Variants in ZNF883 observed in about 807,000 individuals in gnomAD.
ZNF883 encodes the protein zinc finger protein 883.
chr9:113,011,962 G>A (rs981207483), intron 1 of ZNF883, among the ~76,000 whole-genome samples, 188 bp downstream of exon 1: 1 of 152,088 alleles, frequency 6.6e-6, no homozygotes, highest in African/African-American at 2.4e-5. Context: ...TGCTGGCCCA[G>A]GTCACCACCA....
chr9:113,009,232 C>T (rs1289219231), intron 2 of ZNF883, among the ~76,000 whole-genome samples: 1 of 152,136 alleles, frequency 6.6e-6, no homozygotes, highest in Non-Finnish European at 1.5e-5. Flanking sequence ...ACACCGAACA[C>T]CATCACCTCC....
At chr9:113,009,754 TG>T (rs1189322069) in intron 2 of ZNF883, among the ~76,000 whole-genome samples, 1 of 152,156 alleles carries the variant, frequency 6.6e-6, no homozygotes, top group East Asian at 1.9e-4. Context: ...GTGATCTGCC[TG>T]CCTCAGCCTC....
chr9:112,997,557 T>G, exon 1 of ZNF883: 3 of 1,614,172 alleles, frequency 1.9e-6, no homozygotes, highest in Non-Finnish European at 2.5e-6. Context: ...TCATAGGGTT[T>G]TTCTCCAGTA....
At chr9:112,988,774 A>G (rs1374357978) in intron 1 of ZNF883, among the ~76,000 whole-genome samples, 1 of 152,170 alleles carries the variant, frequency 6.6e-6, no homozygotes, top group African/African-American at 2.4e-5. Flanking sequence ...TCCTACCAAC[A>G]GCGTGAAACT....
downstream of ZNF883, among the ~76,000 whole-genome samples, chr9:112,994,602 T>A (rs1380578863): frequency 6.6e-6 from 1 of 152,172 alleles, no homozygotes; most frequent in Non-Finnish European, 1.5e-5. Flanking sequence ...CCCAATCAGT[T>A]CTTTTCATTT....
At chr9:112,991,551 G>A (rs2118598033) in intron 1 of ZNF883, among the ~76,000 whole-genome samples, 1 of 152,232 alleles carries the variant, frequency 6.6e-6, no homozygotes, top group East Asian at 1.9e-4. Context: ...CGAGAAGAAT[G>A]TACATTCTGT....
intron 1 of ZNF883, among the ~76,000 whole-genome samples, chr9:112,989,581 A>C (rs1564330244): frequency 6.6e-6 from 1 of 152,032 alleles, no homozygotes; most frequent in Non-Finnish European, 1.5e-5. Context: ...TTCTTTTTGC[A>C]TAGGATTGTC....
At chr9:113,009,081 C>T (rs574493353) in intron 2 of ZNF883, among the ~76,000 whole-genome samples, 2 of 152,204 alleles carry the variant, frequency 1.3e-5, no homozygotes, top group Admixed American at 6.5e-5. Flanking sequence ...CATGTCTGAC[C>T]TTGCTACCCT....
chr9:113,008,355 G>A (rs1693079969), intron 2 of ZNF883, among the ~76,000 whole-genome samples: 2 of 152,138 alleles, frequency 1.3e-5, no homozygotes, highest in African/African-American at 4.8e-5. Context: ...TCTAAGTAAT[G>A]AAACTGAAAA....
upstream of ZNF883, among the ~76,000 whole-genome samples, chr9:113,000,528 A>AG (rs1828412583): frequency 1.3e-5 from 2 of 152,168 alleles, no homozygotes; most frequent in African/African-American, 4.8e-5. Context: ...CTGGATTGGG[A>AG]GAATACTAGT....
At chr9:113,007,825 A>G (rs573428461) in intron 2 of ZNF883, among the ~76,000 whole-genome samples, 1 of 152,212 alleles carries the variant, frequency 6.6e-6, no homozygotes, top group Admixed American at 6.5e-5. Context: ...AGGTCACCCA[A>G]TTAGCCACTG....
chr9:113,001,156 A>C (rs12341272), upstream of ZNF883, among the ~76,000 whole-genome samples: 17,873 of 152,114 alleles, frequency 0.12, 1,517 homozygotes, highest in Non-Finnish European at 0.16. Context: ...CTAACTCCAA[A>C]GATTAAAAGA....
At chr9:112,989,578 TG>T (rs1828282375) in intron 1 of ZNF883, among the ~76,000 whole-genome samples, 1 of 152,342 alleles carries the variant, frequency 6.6e-6, no homozygotes, top group Admixed American at 6.5e-5. Flanking sequence ...TTGTTCTTTT[TG>T]CATAGGATTG....
chr9:112,997,236 T>C lies in ZNF883; in HGVS notation n.1024A>G, dbSNP rs542654698. ...TGATAGGGTCTCTCCCTTGTATGTA[T>C]TCGCTTATGTTTAGTTAGAGCTGAG... On this transcript the variant is annotated non_coding_transcript_exon_variant, in exon 1 of 1. Coordinates refer to ENST00000639662, the Ensembl canonical transcript of ZNF883. The C allele has an allele frequency of 8.7e-6, 14 of 1,614,090 alleles. No homozygotes were observed. The South Asian group carries it at 1.4e-4, about 16-fold the overall frequency.
chr9:112,999,504 C>G (rs937757484), upstream of ZNF883, among the ~76,000 whole-genome samples: 1 of 152,138 alleles, frequency 6.6e-6, no homozygotes, highest in Non-Finnish European at 1.5e-5. Flanking sequence ...TTAAAGGGCT[C>G]AGTCCCACAA....
intron 2 of ZNF883, among the ~76,000 whole-genome samples, chr9:113,005,722 A>G (rs1828468379): frequency 6.6e-6 from 1 of 152,316 alleles, no homozygotes; most frequent in South Asian, 2.1e-4. Context: ...ACATCATTAC[A>G]TTCATTGTAC....
chr9:112,993,260 TG>T (rs1250367575), downstream of ZNF883, among the ~76,000 whole-genome samples: 1 of 152,228 alleles, frequency 6.6e-6, no homozygotes, highest in Non-Finnish European at 1.5e-5. Flanking sequence ...ATGTTTTTTG[TG>T]GGACTTTTTT....
upstream of ZNF883, among the ~76,000 whole-genome samples, chr9:113,000,582 C>CA (rs553585125): frequency 3.0e-4 from 45 of 151,868 alleles, no homozygotes; most frequent in African/African-American, 9.7e-4. Flanking sequence ...AAAGAAGAAA[C>CA]AAAAAATGCT....
chr9:113,009,321 C>T (rs1828508610), intron 2 of ZNF883, among the ~76,000 whole-genome samples: 1 of 152,098 alleles, frequency 6.6e-6, no homozygotes, highest in Non-Finnish European at 1.5e-5. Context: ...GGTCTGCACG[C>T]CTTACCTCTC....
Sources: allele counts gnomAD v4.1 joint callset (sites outside exome capture counted in the v4.1 genomes callset), GRCh38; gene constraint gnomAD v4.1.1; transcripts MANE v1.5; gene names NCBI Gene and HGNC (gene_info 2026-07-23, HGNC 2026-07-21).